The following TSHZ2 variants were observed in gnomAD, a reference collection of about 807,000 sequenced individuals.
The protein encoded by TSHZ2 is teashirt homolog 2.
In TSHZ2, 21 loss-of-function variants were observed where a neutral mutation model predicts 74.4. The observed-to-expected ratio is 0.28, with a 90% CI of 0.20 to 0.41. The LOEUF is 0.41. TSHZ2 is among the 10% of genes least tolerant of loss of function. The probability of loss-of-function intolerance (pLI) is 1.00; values close to 1 mark genes in which losing one functional copy is unlikely to be tolerated. For synonymous variants in TSHZ2, 540 were observed against 515.3 expected (o/e 1.05, Z -0.65); for missense variants, 1,244 against 1,293.5 (o/e 0.96, Z 0.59).
chr20:53,106,085 T>G (rs34053160), intron 1 of TSHZ2, among the ~76,000 whole-genome samples: 4 of 152,200 alleles, frequency 2.6e-5, no homozygotes, highest in African/African-American at 9.6e-5. Flanking sequence ...TTTAATATTG[T>G]GGGAGGAGAA....
chr20:53,320,930 C>A (rs1979234248), intron 2 of TSHZ2, among the ~76,000 whole-genome samples: 2 of 152,296 alleles, frequency 1.3e-5, no homozygotes, highest in South Asian at 4.1e-4. Context: ...AAGCAATTAG[C>A]TGGCCAGTGC....
chr20:53,271,094 G>A (rs1176081782), intron 2 of TSHZ2, among the ~76,000 whole-genome samples: 8 of 152,210 alleles, frequency 5.3e-5, no homozygotes, highest in African/African-American at 1.7e-4. Flanking sequence ...AAAAATGCGA[G>A]GCCTTTGTAA....
chr20:52,981,463 T>A (rs1361248985), intron 1 of TSHZ2, among the ~76,000 whole-genome samples: 1 of 152,162 alleles, frequency 6.6e-6, no homozygotes. Context: ...GCTGAGAAAG[T>A]GTGCTGAAAC....
intron 1 of TSHZ2, among the ~76,000 whole-genome samples, chr20:53,240,207 A>G (rs938205198): frequency 6.6e-6 from 1 of 152,180 alleles, no homozygotes; most frequent in East Asian, 1.9e-4. Flanking sequence ...TAACCATCAA[A>G]TCAAACTGAG....
Position 53,254,888 on chromosome 20 carries a change from A to G in TSHZ2, c.1430A>G (p.Lys477Arg), listed in dbSNP as rs1322927452. ...CCAGAGGAAACCAGCAAGGATGAGA[A>G]AGTCGTGAAAAGCGAGGACTATGAA... is the stretch of plus-strand genomic sequence containing the variant. Reference protein sequence around the residue: ...ERPEETSKDEKVVKSEDYEDP... With the variant: ...ERPEETSKDERVVKSEDYEDP... The change falls in exon 2 of 3, where the codon AAA (lysine) becomes AGA (arginine). Residue 477 changes from lysine (K) to arginine (R), a missense_variant. Transcript: ENST00000371497. 6.2e-7 allele frequency: 1 copy of G among 1,614,150 alleles called. No individual in the cohort carries two copies.
intron 1 of TSHZ2, among the ~76,000 whole-genome samples, chr20:53,172,858 T>A (rs1193484833): frequency 6.6e-6 from 1 of 152,166 alleles, no homozygotes; most frequent in Non-Finnish European, 1.5e-5. Context: ...CTTGAGGGAA[T>A]CACGAGAGTG....
chr20:53,202,364 G>C (rs551707382), intron 1 of TSHZ2, among the ~76,000 whole-genome samples: 8 of 152,144 alleles, frequency 5.3e-5, no homozygotes, highest in Admixed American at 2.6e-4. Flanking sequence ...GTTTGGAATC[G>C]TCGCACAGAA....
chr20:53,016,836 A>G (rs945071633), intron 1 of TSHZ2, among the ~76,000 whole-genome samples: 1 of 152,158 alleles, frequency 6.6e-6, no homozygotes, highest in Non-Finnish European at 1.5e-5. Flanking sequence ...GCATCCCCAT[A>G]AAGCTGACCT....
At chr20:53,290,261 C>A (rs1326219255) in intron 2 of TSHZ2, among the ~76,000 whole-genome samples, 2 of 151,722 alleles carry the variant, frequency 1.3e-5, no homozygotes, top group Non-Finnish European at 2.9e-5. Context: ...TTCTGCTTGG[C>A]CCCTATATGC....
intron 2 of TSHZ2, among the ~76,000 whole-genome samples, chr20:53,390,602 C>T (rs1982214591): frequency 6.6e-6 from 1 of 152,222 alleles, no homozygotes. Flanking sequence ...CTCCAATAAA[C>T]ATACATGTAC....
intron 1 of TSHZ2, among the ~76,000 whole-genome samples, chr20:53,170,840 C>T (rs1217775338): frequency 2.6e-5 from 4 of 151,968 alleles, no homozygotes; most frequent in Non-Finnish European, 5.9e-5. Context: ...TCTAGCCTTG[C>T]CCAAGACACA....
In TSHZ2 at chr20:53,197,373, C is replaced by T. The variant is rs529648522; in HGVS notation, c.41-56126C>T. On this transcript the variant is annotated intron_variant, in intron 1 of 2. Coordinates refer to ENST00000371497, the MANE Select transcript of TSHZ2 (RefSeq NM_173485.6). ...GGGTTTTGCATTTCTTAGGTAGGTGCGTGCAAAGGAGAAGACTTTTAACAA... is the reference window on the plus strand; with the variant it reads ...GGGTTTTGCATTTCTTAGGTAGGTGTGTGCAAAGGAGAAGACTTTTAACAA... 1.2e-4 allele frequency among the ~76,000 whole-genome samples: 19 copies of T among 152,274 alleles called. No individual in the cohort carries two copies. The South Asian group carries it at 2.3e-3, about 18-fold the overall frequency.
chr20:53,112,334 A>G (rs1463274150), intron 1 of TSHZ2, among the ~76,000 whole-genome samples: 3 of 152,204 alleles, frequency 2.0e-5, no homozygotes, highest in Non-Finnish European at 2.9e-5. Context: ...CAGCAACCAC[A>G]GAGCCCCTTC....
intron 1 of TSHZ2, among the ~76,000 whole-genome samples, chr20:53,164,958 T>C (rs1029463586): frequency 2.6e-5 from 4 of 152,218 alleles, no homozygotes; most frequent in African/African-American, 9.7e-5. Flanking sequence ...CCTTGATTGA[T>C]GGTTATATGA....
intron 1 of TSHZ2, chr20:53,208,450 A>G (rs1989225668): frequency 6.6e-6 from 1 of 152,080 alleles, no homozygotes; most frequent in Admixed American, 6.5e-5. Flanking sequence ...AAGAGGTGTA[A>G]CCCTGATTTG....
At chr20:53,328,708 G>A (rs1394740248) in intron 2 of TSHZ2, among the ~76,000 whole-genome samples, 3 of 152,036 alleles carry the variant, frequency 2.0e-5, no homozygotes, top group Non-Finnish European at 2.9e-5. Flanking sequence ...GCTCATATAC[G>A]AAGTGAATGG....
chr20:53,195,552 G>C (rs1304148174), intron 1 of TSHZ2, among the ~76,000 whole-genome samples: 1 of 152,208 alleles, frequency 6.6e-6, no homozygotes, highest in Non-Finnish European at 1.5e-5. Context: ...GGTCACAAAT[G>C]TGCCTGCGGT....
chr20:53,261,779 A>C (rs1341071998), intron 2 of TSHZ2, among the ~76,000 whole-genome samples: 1 of 152,212 alleles, frequency 6.6e-6, no homozygotes, highest in Non-Finnish European at 1.5e-5. Context: ...TTCTTTCGCT[A>C]AATTGAAAAT....
chr20:53,371,910 G>T (rs1025023450), intron 2 of TSHZ2, among the ~76,000 whole-genome samples: 4 of 151,136 alleles, frequency 2.6e-5, no homozygotes, highest in South Asian at 2.1e-4. Flanking sequence ...GAGTCAGCAG[G>T]ACATGCTCCC....
Sources: gnomAD v4.1 joint callset for allele counts (sites outside exome capture counted in the v4.1 genomes callset) on GRCh38, gnomAD v4.1.1 for gene constraint, MANE v1.5 for transcripts, NCBI Gene and HGNC (gene_info 2026-07-23, HGNC 2026-07-21) for gene names.